Variants in DST observed in about 807,000 individuals in gnomAD.
The protein encoded by DST is bullous pemphigoid antigen.
In DST, 253 loss-of-function variants were observed where a neutral mutation model predicts 875.2. The ratio of observed to expected loss-of-function variants is 0.29; its 90% CI spans 0.26 to 0.32. The LOEUF (loss-of-function observed/expected upper bound fraction) is 0.32, where lower values mean the gene tolerates loss of function less well. DST is among the 10% of genes least tolerant of loss of function. The pLI, the probability that DST is intolerant of heterozygous loss-of-function variation, is 1.00. For missense variants in DST, 8,287 were observed against 9,111.6 expected (o/e 0.91, Z 3.68); for synonymous variants, 3,124 against 3,197.1 (o/e 0.98, Z 0.77).
intron 2 of DST, among the ~76,000 whole-genome samples, chr6:56,907,446 G>C (rs942285479): frequency 3.3e-5 from 5 of 152,148 alleles, no homozygotes; most frequent in Admixed American, 1.3e-4. Flanking sequence ...AATTTACTTA[G>C]CGCCATTTAG....
At chr6:56,708,956 A>G (rs531498483) in intron 5 of DST, among the ~76,000 whole-genome samples, 1 of 152,348 alleles carries the variant, frequency 6.6e-6, no homozygotes, top group African/African-American at 2.4e-5. Context: ...TTTTTAATAA[A>G]GCATTCCTTT....
chr6:56,643,040 C>T (rs766789695), intron 15 of DST: 1 of 742,652 alleles, frequency 1.3e-6, no homozygotes, highest in Non-Finnish European at 2.0e-6. Flanking sequence ...TGTATTAAAA[C>T]CCTACAAGTA....
chr6:56,573,190 T>C, intron 51 of DST, 126 bp from the exon 52 acceptor site: 1 of 784,066 alleles, frequency 1.3e-6, no homozygotes, highest in Non-Finnish European at 2.0e-6. Flanking sequence ...GGTTAACAGT[T>C]GAAACTGAAT....
chr6:56,764,574 A>C (rs1417388940), intron 4 of DST, among the ~76,000 whole-genome samples: 1 of 152,320 alleles, frequency 6.6e-6, no homozygotes, highest in African/African-American at 2.4e-5. Flanking sequence ...GTTTGTAGTA[A>C]ACACACTGCC....
intron 61 of DST, among the ~76,000 whole-genome samples, chr6:56,543,813 C>T (rs1392099063): frequency 6.6e-6 from 1 of 152,090 alleles, no homozygotes. Flanking sequence ...ACTTTTGTGC[C>T]TTTAATGAGA....
At position 56,600,128 on chromosome 6, in the gene DST, C is replaced by G; in HGVS notation, c.11635G>C (p.Glu3879Gln). Residue 3879 changes from glutamate to glutamine, a missense_variant, in exon 45 of 104, where the codon GAA becomes CAA. By Grantham distance (29) the Glu-to-Gln change is conservative. Transcript: ENST00000680361. ...GTGCCATCTCCAATCATGAAGGCTT[C>G]TTGGTGACCAATTAGGCGGTTTTCA... is the stretch of plus-strand genomic sequence containing the variant. ...QTENRLIGHQEAFMIGDGTVE... is the reference protein window; with the variant it reads ...QTENRLIGHQQAFMIGDGTVE... The G allele has an allele frequency of 6.2e-7, 1 of 1,613,132 alleles. No individual in the cohort carries two copies. The highest frequency in any genetic ancestry group is 1.1e-5 in the South Asian group (1 of 91,000).
In DST at chr6:56,605,462, C is replaced by G; in HGVS notation, c.9166G>C (p.Gly3056Arg). Residue 3056 changes from glycine (G) to arginine (R), a missense_variant, in exon 40 of 104, where the codon GGT (glycine) becomes CGT (arginine). Physicochemically the swap from Gly to Arg is moderately radical, Grantham distance 125. Transcript: ENST00000680361. ...DETSIQKMYL[G>R]EGEVLVEGLV... is the part of the protein sequence containing the mutation. Reference sequence around the variant, plus strand: ...CCTTCTACAAGCACTTCTCCTTCACCCAAGTACATTTTCTGAATTGATGTT... The same window carrying G: ...CCTTCTACAAGCACTTCTCCTTCACGCAAGTACATTTTCTGAATTGATGTT... The G allele has an allele frequency of 1.2e-6, 2 of 1,612,894 alleles. No individual in the cohort carries two copies. The highest frequency in any genetic ancestry group is 1.7e-6 in the Non-Finnish European group (2 of 1,179,282).
chr6:56,674,640 T>C (rs2099119396), intron 9 of DST, among the ~76,000 whole-genome samples: 1 of 151,516 alleles, frequency 6.6e-6, no homozygotes, highest in Admixed American at 6.6e-5. Flanking sequence ...CAACAACCTA[T>C]CCAAAACAGA....
chr6:56,846,998 G>A (rs2127567682), intron 4 of DST, among the ~76,000 whole-genome samples: 1 of 99,684 alleles, frequency 1.0e-5, no homozygotes, highest in Non-Finnish European at 1.9e-5. Flanking sequence ...GGAAGACCCT[G>A]TCTCAAAAAA....
Position 56,923,410 on chromosome 6 carries a change from T to TC in DST, c.217-22790_217-22789insG, listed in dbSNP as rs571277254. 7.4e-4 allele frequency among the ~76,000 whole-genome samples: 53 copies of TC among 71,820 alleles called. 1 individual carries two copies. The South Asian group carries it at 0.014, about 19-fold the overall frequency. The allele number at this position is 71,820 out of a possible 152,430, so 47.1% of individuals were successfully genotyped here. On this transcript the variant is annotated intron_variant, in intron 2 of 103. Coordinates refer to ENST00000680361, the MANE Select transcript of DST (RefSeq NM_001374736.1). Reference sequence around the variant, plus strand: ...AAAGTACTTATTTGGGAATTTTGATTTTTTTCCCTGGATTAGATGGAGAGA... The same window carrying TC: ...AAAGTACTTATTTGGGAATTTTGATTCTTTTTCCCTGGATTAGATGGAGAGA...
intron 4 of DST, among the ~76,000 whole-genome samples, chr6:56,774,696 A>G (rs1489171313): frequency 6.6e-6 from 1 of 152,194 alleles, no homozygotes; most frequent in Admixed American, 6.5e-5. Context: ...AAGATTATAC[A>G]AAGAAGAAAT....
At chr6:56,637,286 C>T (rs1371996097) in intron 22 of DST, among the ~76,000 whole-genome samples, 1 of 152,060 alleles carries the variant, frequency 6.6e-6, no homozygotes, top group Non-Finnish European at 1.5e-5. Flanking sequence ...TTATCTCTGG[C>T]TACGGGAAAA....
At chr6:56,834,209 G>C (rs1235152580) in intron 4 of DST, among the ~76,000 whole-genome samples, 1 of 152,162 alleles carries the variant, frequency 6.6e-6, no homozygotes, top group African/African-American at 2.4e-5. Context: ...CTGGGTGACA[G>C]AGTGAGACCA....
chr6:56,636,969 G>A (rs2098831513), intron 22 of DST, among the ~76,000 whole-genome samples: 1 of 152,096 alleles, frequency 6.6e-6, no homozygotes, highest in African/African-American at 2.4e-5. Context: ...TGTGATCCCA[G>A]CTACTCAGGA....
In DST at chr6:56,608,967, T is replaced by C. The variant is rs2098521385; in HGVS notation, c.5661A>G (p.Thr1887=). The part of the protein sequence containing the change: ...LSTGSLVIPA[T]GEQLTLQKAF... ...CCTTCTGTAGGGTCAACTGTTCTCC[T>C]GTGGCTGGAATAACCAGAGAGCCTG... The change falls in exon 40 of 104, where the codon ACA becomes ACG. Residue 1887 remains threonine (T), a synonymous_variant. Coordinates refer to ENST00000680361, the MANE Select transcript of DST (RefSeq NM_001374736.1). 1 of 1,613,876 alleles carries C rather than the reference T, an allele frequency of 6.2e-7. No individual in the cohort carries two copies.
At chr6:56,694,560 G>A (rs2099252013) in intron 9 of DST, among the ~76,000 whole-genome samples, 2 of 152,116 alleles carry the variant, frequency 1.3e-5, no homozygotes, top group South Asian at 4.2e-4. Flanking sequence ...CAAAGGTAAT[G>A]AGTGGTACAT....
chr6:56,932,488 G>A (rs1158157809), intron 2 of DST, among the ~76,000 whole-genome samples: 1 of 152,114 alleles, frequency 6.6e-6, no homozygotes, highest in Non-Finnish European at 1.5e-5. Flanking sequence ...ACAGGCATAG[G>A]AGGAACAGGC....
rs764368407 is a variant in DST, at chr6:56,601,618, A to G, written c.11366T>C (p.Val3789Ala). The change falls in exon 44 of 104, where the codon GTG becomes GCG. Residue 3789 changes from valine (V) to alanine (A), a missense_variant. By Grantham distance (64) the Val-to-Ala change is moderately conservative. Around this residue, in one of 10 missense-constraint regions of DST, gnomAD observed 3,138 missense variants for 3,116.6 expected, o/e 1.01. Transcript: ENST00000680361. ...KMQLETTAFD[V>A]QFFISEYAQD... ...TGCATATTCAGAAATGAAGAACTGC[A>G]CATCAAAGGCAGTAGTCTCCAGCTG... The G allele has an allele frequency of 4.4e-6, 7 of 1,599,106 alleles. No individual in the cohort carries two copies. The South Asian group carries it at 6.8e-5, about 15-fold the overall frequency.
At chr6:56,510,878 C>T (rs561521266) in intron 73 of DST, among the ~76,000 whole-genome samples, 36 of 152,076 alleles carry the variant, frequency 2.4e-4, no homozygotes, top group Non-Finnish European at 4.1e-4. Flanking sequence ...ATAACACTTT[C>T]CTTTATCTCC....
Sources: allele counts gnomAD v4.1 joint callset (sites outside exome capture counted in the v4.1 genomes callset), GRCh38; gene constraint gnomAD v4.1.1; regional missense constraint gnomAD v4.1.1; transcripts MANE v1.5; gene names NCBI Gene and HGNC (gene_info 2026-07-23, HGNC 2026-07-21).